ARFGEF2: variants seen among roughly 807,000 people sequenced by gnomAD.
ARFGEF2 encodes the protein brefeldin A-inhibited guanine nucleotide-exchange protein 2.
ARFGEF2 carries 74 observed loss-of-function variants against 219.9 expected under a neutral mutation model. That is an observed-to-expected ratio of 0.34 (90% CI 0.28 to 0.41). The LOEUF is 0.41. Ranked by LOEUF, ARFGEF2 falls within the 10% of genes least tolerant of loss-of-function variation. The probability of loss-of-function intolerance (pLI) is 1.00; values close to 1 mark genes in which losing one functional copy is unlikely to be tolerated. For synonymous variants in ARFGEF2, 733 were observed against 799.2 expected, an observed-to-expected ratio of 0.92 and a Z score of 1.40; for missense variants, 1,743 against 2,218.3, an observed-to-expected ratio of 0.79 and a Z score of 4.30.
At chr20:48,987,025 T>A (rs539281043) in intron 16 of ARFGEF2, among the ~76,000 whole-genome samples, 1 of 152,300 alleles carries the variant, frequency 6.6e-6, no homozygotes, top group Non-Finnish European at 1.5e-5. Context: ...AATAACTGTT[T>A]TGCCTCTCAG....
intron 14 of ARFGEF2, among the ~76,000 whole-genome samples, chr20:48,983,137 T>G (rs2091307155): frequency 6.6e-6 from 1 of 152,220 alleles, no homozygotes; most frequent in Non-Finnish European, 1.5e-5. Context: ...GGACGGAATC[T>G]TACTTGTTTT....
intron 3 of ARFGEF2, among the ~76,000 whole-genome samples, chr20:48,949,083 AG>A (rs1278529635): frequency 5.3e-5 from 8 of 152,262 alleles, no homozygotes; most frequent in African/African-American, 1.7e-4. Flanking sequence ...CACAGGATAC[AG>A]GAACTCTCCT....
At chr20:48,951,642 T>G (rs906371003) in intron 4 of ARFGEF2, among the ~76,000 whole-genome samples, 173 bp downstream of exon 4, 2 of 152,232 alleles carry the variant, frequency 1.3e-5, no homozygotes, top group African/African-American at 4.8e-5. Flanking sequence ...TAGCGTGGAC[T>G]GAGACAAGAA....
intron 3 of ARFGEF2, among the ~76,000 whole-genome samples, chr20:48,949,943 G>A (rs1023102525): frequency 6.6e-6 from 1 of 152,290 alleles, no homozygotes; most frequent in Middle Eastern, 3.4e-3. Context: ...TCAATATAAC[G>A]TGGATAGCTT....
intron 28 of ARFGEF2, among the ~76,000 whole-genome samples, chr20:49,012,603 T>C (rs1338001051): frequency 6.6e-6 from 1 of 152,210 alleles, no homozygotes; most frequent in Non-Finnish European, 1.5e-5. Context: ...AACAAGTCCA[T>C]CTAAACTATG....
chr20:48,987,636 T>C (rs573864868), intron 16 of ARFGEF2, among the ~76,000 whole-genome samples: 78 of 152,260 alleles, frequency 5.1e-4, no homozygotes, highest in African/African-American at 1.7e-3. Context: ...GTGTGAAATA[T>C]AGTGAGATGC....
intron 34 of ARFGEF2, among the ~76,000 whole-genome samples, chr20:49,019,242 C>T (rs1424009532): frequency 6.6e-6 from 1 of 152,148 alleles, no homozygotes; most frequent in Non-Finnish European, 1.5e-5. Flanking sequence ...CGAATTTTCT[C>T]CTTTTACCAG....
chr20:48,978,037 C>T (rs1049827795), intron 14 of ARFGEF2, among the ~76,000 whole-genome samples: 13 of 152,194 alleles, frequency 8.5e-5, no homozygotes. Context: ...GTGTTTTAGT[C>T]ATGAAGTCCT....
In ARFGEF2 at chr20:49,033,079, C is replaced by T. The variant is rs371687802; in HGVS notation, c.5238C>T (p.Asp1746=). 30 of 1,614,096 alleles carry T rather than the reference C, an allele frequency of 1.9e-5. No individual in the cohort carries two copies. The highest frequency in any genetic ancestry group is 2.7e-5 in the African/African-American group (2 of 74,936). Residue 1746 remains aspartate, a synonymous_variant, in exon 39 of 39, where the codon GAC becomes GAT. Transcript: ENST00000371917. ...YPYLCEIMQF[D]LIPELRAVLR... is the part of the protein sequence containing the mutation. Reference sequence around the variant, plus strand: ...ACTTGTGTGAAATTATGCAGTTTGACCTGATCCCTGAGCTCCGAGCAGTTC... The same window carrying T: ...ACTTGTGTGAAATTATGCAGTTTGATCTGATCCCTGAGCTCCGAGCAGTTC...
intron 12 of ARFGEF2, among the ~76,000 whole-genome samples, chr20:48,974,179 G>T (rs1383940527): frequency 7.6e-6 from 1 of 131,334 alleles, no homozygotes; most frequent in Non-Finnish European, 1.5e-5. Context: ...AGGCTGGAGT[G>T]CAGTGGCGCG....
intron 1 of ARFGEF2, 86 bp from the exon 2 acceptor site, chr20:48,941,113 A>G: frequency 8.3e-7 from 1 of 1,210,628 alleles, no homozygotes; most frequent in South Asian, 1.3e-5. Flanking sequence ...CAATCTTTTC[A>G]GTGGTCTCCA....
At position 48,951,370 on chromosome 20, in the gene ARFGEF2, A is replaced by G; in HGVS notation, c.324A>G (p.Gly108=). ...TCACTGGCAACGCCCCTGACAGTGG[A>G]GCCCCTGGGAAGCGGCTGATCGACA... ...GHITGNAPDS[G]APGKRLIDRI... Residue 108 remains glycine, a synonymous_variant, in exon 4 of 39, where the codon GGA becomes GGG. Coordinates refer to ENST00000371917, the MANE Select transcript of ARFGEF2 (RefSeq NM_006420.3). 1 of 1,614,166 alleles carries G rather than the reference A, an allele frequency of 6.2e-7. No homozygotes were observed. The highest frequency in any genetic ancestry group is 8.5e-7 in the Non-Finnish European group (1 of 1,180,036).
chr20:49,002,980 T>G (rs2091434508), intron 25 of ARFGEF2, among the ~76,000 whole-genome samples: 1 of 147,630 alleles, frequency 6.8e-6, no homozygotes, highest in South Asian at 2.2e-4. Flanking sequence ...TTTTTTTTTT[T>G]TTTTTAGAGA....
intron 14 of ARFGEF2, among the ~76,000 whole-genome samples, chr20:48,980,100 C>T (rs1164369279): frequency 6.6e-6 from 1 of 152,124 alleles, no homozygotes; most frequent in Non-Finnish European, 1.5e-5. Flanking sequence ...ATCTTTCCTG[C>T]TTTCTCTTGT....
At chr20:48,962,205 ATAAC>A (rs1389431723) in intron 6 of ARFGEF2, among the ~76,000 whole-genome samples, 8 of 152,102 alleles carry the variant, frequency 5.3e-5, no homozygotes, top group Admixed American at 1.3e-4. Flanking sequence ...AAATAAATAA[ATAAC>A]AAACTAATAA....
intron 26 of ARFGEF2, 76 bp downstream of exon 26, chr20:49,005,297 CA>C: frequency 7.6e-6 from 12 of 1,570,556 alleles, no homozygotes; most frequent in Non-Finnish European, 9.6e-6. Flanking sequence ...ACACTAACCA[CA>C]TGATTAATTT....
intron 14 of ARFGEF2, among the ~76,000 whole-genome samples, chr20:48,979,653 G>A (rs2091283400): frequency 6.6e-6 from 1 of 152,074 alleles, no homozygotes; most frequent in South Asian, 2.1e-4. Flanking sequence ...CAATTTCAGA[G>A]CCTGTTATTG....
intron 1 of ARFGEF2, among the ~76,000 whole-genome samples, chr20:48,936,769 T>G (rs866747814): frequency 6.6e-6 from 1 of 152,144 alleles, no homozygotes; most frequent in Non-Finnish European, 1.5e-5. Context: ...TCAGGTGATC[T>G]GCCTGCCTGG....
At chr20:48,993,003 T>C (rs1376229755) in intron 21 of ARFGEF2, among the ~76,000 whole-genome samples, 1 of 152,082 alleles carries the variant, frequency 6.6e-6, no homozygotes, top group Admixed American at 6.5e-5. Flanking sequence ...TGAGCCTTGA[T>C]TGCACCACTG....
Sources: allele counts gnomAD v4.1 joint callset (sites outside exome capture counted in the v4.1 genomes callset), GRCh38; gene constraint gnomAD v4.1.1; transcripts MANE v1.5; gene names NCBI Gene and HGNC (gene_info 2026-07-23, HGNC 2026-07-21).